PDE1A: variants seen among roughly 807,000 people sequenced by gnomAD.
PDE1A encodes phosphodiesterase 1A, also known as dual specificity calcium/calmodulin-dependent 3',5'-cyclic nucleotide phosphodiesterase 1A.
PDE1A carries 35 observed loss-of-function variants against 61.7 expected under a neutral mutation model. The observed-to-expected ratio is 0.57, with a 90% CI of 0.43 to 0.75. The LOEUF (loss-of-function observed/expected upper bound fraction) is 0.75. Ranked by LOEUF, PDE1A falls within the 30% of genes least tolerant of loss-of-function variation. The pLI is 0.00. For synonymous variants in PDE1A, 232 were observed against 213.2 expected (o/e 1.09, Z -0.77); for missense variants, 597 against 630.6 (o/e 0.95, Z 0.57).
chr2:182,575,579 C>T, the PDE1A span, among the ~76,000 whole-genome samples: 5 of 151,502 alleles, frequency 3.3e-5, no homozygotes, highest in Non-Finnish European at 7.4e-5. Flanking sequence ...GCCACTTCCA[C>T]TTCTGCCCTT....
chr2:182,488,637 A>G (rs1688179446), intron 2 of PDE1A, among the ~76,000 whole-genome samples: 1 of 152,364 alleles, frequency 6.6e-6, no homozygotes, highest in South Asian at 2.1e-4. Flanking sequence ...CAGTTTTTGA[A>G]AATTGTAAAT....
At chr2:182,676,809 A>G in the PDE1A span, among the ~76,000 whole-genome samples, 3 of 152,226 alleles carry the variant, frequency 2.0e-5, no homozygotes, top group Non-Finnish European at 2.9e-5. Flanking sequence ...CCTAAAGACA[A>G]AAACCAAATG....
upstream of PDE1A, among the ~76,000 whole-genome samples, chr2:182,429,240 A>C (rs909744164): frequency 7.9e-5 from 12 of 152,108 alleles, no homozygotes; most frequent in African/African-American, 2.9e-4. Context: ...TTTCTCAAAG[A>C]ACATTTAAAT....
At chr2:182,184,007 GAAGAAAGAAAGA>G (rs36010429) in intron 13 of PDE1A, among the ~76,000 whole-genome samples, 6,022 of 134,588 alleles carry the variant, frequency 0.045, 212 homozygotes, top group Admixed American at 0.13. Context: ...GAAAGGAAGA[GAAGAAAGAAAGA>G]AAGAAAGAAA....
At chr2:182,189,126 G>A in intron 10 of PDE1A, 66 bp from the exon 11 acceptor site, 1 of 956,104 alleles carries the variant, frequency 1.0e-6, no homozygotes, top group South Asian at 1.6e-5. Context: ...AGCAACCTAA[G>A]ATATAAAGCC....
At chr2:182,594,097 T>C in the PDE1A span, among the ~76,000 whole-genome samples, 1 of 152,226 alleles carries the variant, frequency 6.6e-6, no homozygotes, top group African/African-American at 2.4e-5. Flanking sequence ...TAAAAAGACC[T>C]GCTGAAATAA....
At chr2:182,152,412 C>CTTTTTTTTTTTTTTTTTTTTTTTTTTTTT in intron 13 of PDE1A, among the ~76,000 whole-genome samples, 1 of 75,292 alleles carries the variant, frequency 1.3e-5, no homozygotes, top group Non-Finnish European at 2.4e-5. Context: ...TTTTTTTCCT[C>CTTTTTTTTTTTTTTTTTTTTTTTTTTTTT]TTTTTTTTTT....
intron 1 of PDE1A, among the ~76,000 whole-genome samples, chr2:182,332,299 C>T (rs951993644): frequency 6.6e-6 from 1 of 152,142 alleles, no homozygotes; most frequent in Non-Finnish European, 1.5e-5. Flanking sequence ...TTAGAACATG[C>T]TCCTTTAGCT....
At chr2:182,486,148 T>C (rs369702323) in intron 2 of PDE1A, among the ~76,000 whole-genome samples, 1 of 152,036 alleles carries the variant, frequency 6.6e-6, no homozygotes, top group Non-Finnish European at 1.5e-5. Context: ...AATTCAAATG[T>C]ATTTCTATAT....
the PDE1A span, among the ~76,000 whole-genome samples, chr2:182,546,017 A>G: frequency 6.6e-6 from 1 of 152,228 alleles, no homozygotes; most frequent in Non-Finnish European, 1.5e-5. Context: ...TTAGTGGAGA[A>G]TAACCCATTG....
intron 1 of PDE1A, among the ~76,000 whole-genome samples, chr2:182,297,545 A>G (rs1192370118): frequency 6.6e-6 from 1 of 152,248 alleles, no homozygotes; most frequent in Non-Finnish European, 1.5e-5. Context: ...TAGGATTACC[A>G]AAAAAGTCAA....
the PDE1A span, among the ~76,000 whole-genome samples, chr2:182,699,040 C>G: frequency 6.6e-6 from 1 of 152,170 alleles, no homozygotes; most frequent in African/African-American, 2.4e-5. Flanking sequence ...GCATTAAAGA[C>G]TTCACGTCTA....
chr2:182,506,105 T>A (rs1394297877), intron 2 of PDE1A, among the ~76,000 whole-genome samples: 1 of 152,226 alleles, frequency 6.6e-6, no homozygotes, highest in African/African-American at 2.4e-5. Flanking sequence ...GATGTTATGC[T>A]ATACAAGTTT....
chr2:182,146,377 A>AT (rs1690496783), downstream of PDE1A, among the ~76,000 whole-genome samples: 2 of 152,238 alleles, frequency 1.3e-5, no homozygotes, highest in South Asian at 4.1e-4. Flanking sequence ...GTATAAACAT[A>AT]TTTTTACATG....
chr2:182,424,765 A>G (rs1286668050), intron 1 of PDE1A, among the ~76,000 whole-genome samples: 1 of 152,174 alleles, frequency 6.6e-6, no homozygotes, highest in Non-Finnish European at 1.5e-5. Flanking sequence ...AATCACAATC[A>G]TAACCTGGTA....
intron 1 of PDE1A, among the ~76,000 whole-genome samples, chr2:182,339,747 T>C (rs1206796165): frequency 6.6e-6 from 1 of 152,182 alleles, no homozygotes; most frequent in African/African-American, 2.4e-5. Context: ...ACCTGCCCAC[T>C]CATAATCTCT....
intron 2 of PDE1A, among the ~76,000 whole-genome samples, chr2:182,457,411 T>A (rs1218125257): frequency 1.3e-5 from 2 of 151,994 alleles, no homozygotes; most frequent in Non-Finnish European, 2.9e-5. Flanking sequence ...TCTTCAGCCA[T>A]CTGCCTGTAA....
upstream of PDE1A, among the ~76,000 whole-genome samples, chr2:182,524,385 C>T (rs2125995211): frequency 6.6e-6 from 1 of 152,240 alleles, no homozygotes; most frequent in East Asian, 1.9e-4. Context: ...CTCACATTGA[C>T]CAGCTTACCA....
intron 2 of PDE1A, among the ~76,000 whole-genome samples, chr2:182,492,066 A>T (rs2125885559): frequency 6.6e-6 from 1 of 152,154 alleles, no homozygotes; most frequent in African/African-American, 2.4e-5. Flanking sequence ...TAGTCTGATC[A>T]TTTCCTATCA....
Sources: allele counts gnomAD v4.1 joint callset (sites outside exome capture counted in the v4.1 genomes callset), GRCh38; gene constraint gnomAD v4.1.1; transcripts MANE v1.5; gene names NCBI Gene and HGNC (gene_info 2026-07-23, HGNC 2026-07-21).